CELF2: variants seen among roughly 807,000 people sequenced by gnomAD.
The protein encoded by CELF2 is CUG triplet repeat RNA-binding protein 2.
A neutral mutation model predicts 62.6 loss-of-function variants in CELF2; 8 were observed. The observed-to-expected ratio is 0.13, with a 90% CI of 0.07 to 0.23. The LOEUF (loss-of-function observed/expected upper bound fraction) is 0.23. Ranked by LOEUF, CELF2 falls within the 10% of genes least tolerant of loss-of-function variation. The pLI, the probability that CELF2 is intolerant of heterozygous loss-of-function variation, is 1.00. For synonymous variants in CELF2, 258 were observed against 250.0 expected, an observed-to-expected ratio of 1.03 and a Z score of -0.30; for missense variants, 333 against 671.0, an observed-to-expected ratio of 0.50 and a Z score of 5.56.
rs760557381 is a variant in CELF2, at chr10:11,257,719, C to T, written c.404-19C>T. On this transcript the variant is annotated intron_variant, in intron 4 of 12. Transcript: ENST00000633077. ...AAAGATGAAATGGCCTTTGCTCATT[C>T]GTTATTTTTATCTCCTAGCTGTGGA... 5.8e-5 allele frequency: 93 copies of T among 1,610,350 alleles called. No individual in the cohort carries two copies. Among genetic ancestry groups the T allele is most frequent in the Non-Finnish European group, 7.6e-5 (89 of 1,177,008 alleles).
rs1297547212 is a variant in CELF2 at position 11,191,217 on chromosome 10, A to G, written c.271+25535A>G. ...TGTTCATCTAGTTCTGTCCCTTTTC[A>G]GCTTTACAGAGAGGCTTCCTACTTA... On this transcript the variant is annotated intron_variant, in intron 2 of 12. Coordinates refer to ENST00000633077, the MANE Select transcript of CELF2 (RefSeq NM_001326342.2). The surrounding 1 kb of genome is among the most constrained non-coding windows in gnomAD (Gnocchi z 4.1). 6.6e-6 allele frequency among the ~76,000 whole-genome samples: 1 copy of G among 152,136 alleles called. No individual in the cohort carries two copies. Among genetic ancestry groups the G allele is most frequent in the Non-Finnish European group, 1.5e-5 (1 of 68,032 alleles).
rs535199489 is a variant in CELF2 at position 11,225,577 on chromosome 10, T to C, written c.354+8070T>C. 9.8e-5 allele frequency among the ~76,000 whole-genome samples: 15 copies of C among 152,368 alleles called. No individual in the cohort carries two copies. The East Asian group carries it at 2.7e-3, about 27-fold the overall frequency. ...TTTGACTATACCCTTTGAGATTGTCTGGGCATCTGCTTTCCTCTCTGGTTG... is the reference window on the plus strand; with the variant it reads ...TTTGACTATACCCTTTGAGATTGTCCGGGCATCTGCTTTCCTCTCTGGTTG... On this transcript the variant is annotated intron_variant, in intron 3 of 12. Transcript: ENST00000633077.
intron 2 of CELF2, among the ~76,000 whole-genome samples, chr10:10,986,182 TA>T (rs199602278): frequency 0.011 from 1,584 of 146,620 alleles, 19 homozygotes; most frequent in African/African-American, 0.034. Context: ...AAACTTTTTA[TA>T]AAAAAAAAAG....
At chr10:11,294,482 A>G (rs2092916561) in intron 9 of CELF2, among the ~76,000 whole-genome samples, 1 of 152,120 alleles carries the variant, frequency 6.6e-6, no homozygotes, top group Non-Finnish European at 1.5e-5. Flanking sequence ...TCTTACACCC[A>G]TCTTTTGTCA....
intron 1 of CELF2, among the ~76,000 whole-genome samples, chr10:11,151,715 G>C (rs1047983324): frequency 2.6e-5 from 4 of 151,988 alleles, no homozygotes; most frequent in Non-Finnish European, 4.4e-5. Context: ...ACCCTAACTT[G>C]AGTCCCTGGA....
chr10:10,696,913 T>C, the CELF2 span, among the ~76,000 whole-genome samples: 2 of 152,102 alleles, frequency 1.3e-5, no homozygotes, highest in Non-Finnish European at 2.9e-5. Flanking sequence ...ACCCGGTACC[T>C]CAGATGGAAA....
chr10:10,982,636 C>T (rs909761779), intron 2 of CELF2, among the ~76,000 whole-genome samples: 1 of 152,164 alleles, frequency 6.6e-6, no homozygotes, highest in Admixed American at 6.5e-5. Flanking sequence ...GTGCTTTCTT[C>T]CTATTACCCT....
Position 11,220,452 on chromosome 10 carries a change from T to C in CELF2, c.354+2945T>C, listed in dbSNP as rs2064514481. On this transcript the variant is annotated intron_variant, in intron 3 of 12. Transcript: ENST00000633077. The surrounding 1 kb of genome is among the most constrained non-coding windows in gnomAD (Gnocchi z 4.4). ...AAATGTGTCTGCCATAAGATTTTGA[T>C]TTAAAGGCACCCTCCTTTACATGTC... 6.6e-6 allele frequency among the ~76,000 whole-genome samples: 1 copy of C among 152,218 alleles called. No individual in the cohort carries two copies. The highest frequency in any genetic ancestry group is 6.5e-5 in the Admixed American group (1 of 15,286).
In CELF2 at chr10:11,214,813, A is replaced by T. The variant is rs959682360; in HGVS notation, c.272-2612A>T. 6.6e-6 allele frequency among the ~76,000 whole-genome samples: 1 copy of T among 152,230 alleles called. No homozygotes were observed. Among genetic ancestry groups the T allele is most frequent in the African/African-American group, 2.4e-5 (1 of 41,456 alleles). ...AAGAACTATGCATAGTTGGAAGAGG[A>T]TCTGTAGTGATAAGTGACTGACTTC... On this transcript the variant is annotated intron_variant, in intron 2 of 12. Transcript: ENST00000633077. This position sits in a 1 kb window ranked among gnomAD's most constrained non-coding sequence, Gnocchi z 4.2.
chr10:11,183,951 T>G (rs1268297618), intron 2 of CELF2, among the ~76,000 whole-genome samples: 1 of 152,252 alleles, frequency 6.6e-6, no homozygotes, highest in Non-Finnish European at 1.5e-5. Flanking sequence ...CTTCTTTTAC[T>G]GATTGTGCTT....
At chr10:10,766,620 G>A in the CELF2 span, among the ~76,000 whole-genome samples, 2 of 152,220 alleles carry the variant, frequency 1.3e-5, no homozygotes, top group African/African-American at 4.8e-5. Context: ...GGGACTAGGT[G>A]AGCCTTGGGG....
chr10:10,851,488 C>A (rs1397307388), intron 1 of CELF2, among the ~76,000 whole-genome samples: 1 of 152,238 alleles, frequency 6.6e-6, no homozygotes, highest in East Asian at 1.9e-4. Flanking sequence ...TATAAAACTT[C>A]TAGAAGAAAG....
At position 11,159,780 on chromosome 10, in the gene CELF2, T is replaced by G. The variant is rs1371287245; in HGVS notation, c.75-5706T>G. Among the ~76,000 whole-genome samples, 1 of 152,264 alleles carries G rather than the reference T, an allele frequency of 6.6e-6. No homozygotes were observed. Among genetic ancestry groups the G allele is most frequent in the East Asian group, 1.9e-4 (1 of 5,202 alleles). ...AGCAGCTGAGTCTTGGACAGTTTCCTGTAATAACCAAACAAAGCCTGTTTC... is the reference window on the plus strand; with the variant it reads ...AGCAGCTGAGTCTTGGACAGTTTCCGGTAATAACCAAACAAAGCCTGTTTC... On this transcript the variant is annotated intron_variant, in intron 1 of 12. Transcript: ENST00000633077. The surrounding 1 kb of genome is among the most constrained non-coding windows in gnomAD (Gnocchi z 5.0).
At chr10:10,620,917 C>CAA in the CELF2 span, among the ~76,000 whole-genome samples, 372 of 35,682 alleles carry the variant, frequency 0.01, 6 homozygotes, top group Non-Finnish European at 0.012. Context: ...GACCCCATCT[C>CAA]AAAAAAAAAA....
intron 1 of CELF2, among the ~76,000 whole-genome samples, chr10:10,804,241 A>G (rs2054968450): frequency 6.6e-6 from 1 of 152,230 alleles, no homozygotes; most frequent in Non-Finnish European, 1.5e-5. Flanking sequence ...TGTCACAACT[A>G]TACAACTTTG....
the CELF2 span, among the ~76,000 whole-genome samples, chr10:10,462,760 G>A: frequency 6.6e-6 from 1 of 151,346 alleles, no homozygotes; most frequent in African/African-American, 2.4e-5. Context: ...TACGACCTTC[G>A]CGTCATACTT....
At chr10:10,663,956 G>T in the CELF2 span, among the ~76,000 whole-genome samples, 27 of 152,250 alleles carry the variant, frequency 1.8e-4, 1 homozygote, top group South Asian at 2.1e-3. Context: ...TTTGAAAACA[G>T]ATTTATTTAG....
rs144815695 is a variant in CELF2, at chr10:10,957,373, C to A, written c.89+37374C>A. Among the ~76,000 whole-genome samples, 3 of 152,108 alleles carry A rather than the reference C, an allele frequency of 2.0e-5. No homozygotes were observed. The highest frequency in any genetic ancestry group is 4.8e-5 in the African/African-American group (2 of 41,422). On this transcript the variant is annotated intron_variant, in intron 2 of 13. Transcript: ENST00000636488. This position sits in a 1 kb window ranked among gnomAD's most constrained non-coding sequence, Gnocchi z 4.1. ...GTCTCCTCTGGGATTCATTCGCTCT[C>A]GCTGAAGGATGATCTCAGATGCCTT...
At chr10:10,711,032 A>G in the CELF2 span, among the ~76,000 whole-genome samples, 1 of 152,158 alleles carries the variant, frequency 6.6e-6, no homozygotes, top group South Asian at 2.1e-4. Context: ...ATTTTGGTCC[A>G]GAGAATTGTT....
Sources: allele counts gnomAD v4.1 joint callset (sites outside exome capture counted in the v4.1 genomes callset), GRCh38; gene constraint gnomAD v4.1.1; non-coding constraint Gnocchi (gnomAD v3.1); transcripts MANE v1.5; gene names NCBI Gene and HGNC (gene_info 2026-07-23, HGNC 2026-07-21).